The following WDR41 variants were observed in gnomAD, a reference collection of about 807,000 sequenced individuals.
The protein encoded by WDR41 is WD repeat-containing protein 41.
In WDR41, 63 loss-of-function variants were observed where a neutral mutation model predicts 69.3. The ratio of observed to expected loss-of-function variants is 0.91; its 90% CI spans 0.74 to 1.12. WDR41 has a LOEUF of 1.12. WDR41 is among the 50% of genes most tolerant of loss of function. WDR41 has a pLI of 0.00. For missense variants in WDR41, 543 were observed against 534.5 expected (o/e 1.02, Z -0.16); for synonymous variants, 185 against 192.1 (o/e 0.96, Z 0.31).
chr5:77,535,872 T>A (rs1254965619), intron 1 of WDR41, among the ~76,000 whole-genome samples: 1 of 152,228 alleles, frequency 6.6e-6, no homozygotes, highest in East Asian at 1.9e-4. Context: ...ACCTAGCTGG[T>A]GTAAGACAAT....
intron 2 of WDR41, among the ~76,000 whole-genome samples, chr5:77,474,993 G>A (rs1313932949): frequency 6.6e-6 from 1 of 152,236 alleles, no homozygotes; most frequent in Non-Finnish European, 1.5e-5. Flanking sequence ...GCGACGCATT[G>A]CCTCACTCGG....
chr5:77,506,539 A>G (rs1411329823), intron 1 of WDR41, among the ~76,000 whole-genome samples: 3 of 152,222 alleles, frequency 2.0e-5, no homozygotes, highest in Admixed American at 2.0e-4. Context: ...ATTACTGGGT[A>G]TATACCCAAA....
chr5:77,490,849 A>C (rs1423238186), intron 1 of WDR41, among the ~76,000 whole-genome samples: 2 of 152,230 alleles, frequency 1.3e-5, no homozygotes, highest in Non-Finnish European at 2.9e-5. Context: ...GATTAATCTG[A>C]AATAAGAAAT....
At chr5:77,524,405 T>C (rs1802416652) in intron 1 of WDR41, among the ~76,000 whole-genome samples, 1 of 152,026 alleles carries the variant, frequency 6.6e-6, no homozygotes. Context: ...CTGTGCAACA[T>C]AGTGAGACCC....
chr5:77,469,959 T>TC (rs1435863872), intron 2 of WDR41, among the ~76,000 whole-genome samples: 3 of 150,862 alleles, frequency 2.0e-5, no homozygotes, highest in African/African-American at 7.4e-5. Flanking sequence ...GAAGAGCAAC[T>TC]CCAAGACACA....
rs72770940 is a variant in WDR41 at position 77,568,688 on chromosome 5, C to T, written c.42+51791G>A. Among the ~76,000 whole-genome samples the T allele has an allele frequency of 8.8e-3, 1,338 of 152,178 alleles. 9 individuals carry two copies. Among genetic ancestry groups the T allele is most frequent in the South Asian group, 0.024 (116 of 4,818 alleles). ...AAGCATTCTGCACACTCTAAGATGC[C>T]ATGGAAACACAAGAATTATTAACTA... On this transcript the variant is annotated intron_variant, in intron 1 of 5. Coordinates refer to the WDR41 transcript ENST00000509971.
chr5:77,536,329 C>A (rs1165156515), intron 1 of WDR41, among the ~76,000 whole-genome samples: 3 of 151,658 alleles, frequency 2.0e-5, no homozygotes, highest in African/African-American at 7.3e-5. Flanking sequence ...TCTCAAGGAG[C>A]TTAGAGTGCA....
At chr5:77,601,439 G>A (rs1744321952) in intron 1 of WDR41, among the ~76,000 whole-genome samples, 1 of 152,138 alleles carries the variant, frequency 6.6e-6, no homozygotes, top group Non-Finnish European at 1.5e-5. Context: ...ATTAGAAAGA[G>A]TTACAAGGAT....
intron 1 of WDR41, among the ~76,000 whole-genome samples, chr5:77,505,265 C>T (rs1307641047): frequency 1.3e-5 from 2 of 151,812 alleles, no homozygotes; most frequent in African/African-American, 2.4e-5. Flanking sequence ...CATGAGTGAA[C>T]GCCCATTTAC....
At chr5:77,480,649 G>A (rs957250950) in intron 2 of WDR41, among the ~76,000 whole-genome samples, 2 of 146,602 alleles carry the variant, frequency 1.4e-5, no homozygotes, top group African/African-American at 5.0e-5. Flanking sequence ...ACAGGAAGGG[G>A]AACATCACAC....
intron 2 of WDR41, among the ~76,000 whole-genome samples, chr5:77,483,481 CGTGTGTGTGTGTGTGTGTGTGTGTGT>C (rs35574463): frequency 7.0e-6 from 1 of 143,356 alleles, no homozygotes; most frequent in South Asian, 2.3e-4. Flanking sequence ...CCTGAATACT[CGTGTGTGTGTGTGTGTGTGTGTGTGT>C]GTGTGTGTGT....
intron 7 of WDR41, 87 bp from the exon 8 acceptor site, chr5:77,449,957 A>C (rs1001486327): frequency 2.3e-6 from 2 of 886,106 alleles, no homozygotes; most frequent in African/African-American, 3.4e-5. Context: ...CATTTCATTA[A>C]GTGAAAAATA....
At chr5:77,439,816 A>G (rs553336227) in intron 9 of WDR41, among the ~76,000 whole-genome samples, 48 of 152,246 alleles carry the variant, frequency 3.2e-4, no homozygotes, top group Non-Finnish European at 5.3e-4. Flanking sequence ...AATTTTCACA[A>G]AAGTGAGAAA....
chr5:77,532,895 T>C (rs905243679), intron 1 of WDR41, among the ~76,000 whole-genome samples: 2 of 152,092 alleles, frequency 1.3e-5, no homozygotes, highest in African/African-American at 4.8e-5. Context: ...AAACGGGCCT[T>C]TCATGTGGGG....
intron 1 of WDR41, among the ~76,000 whole-genome samples, chr5:77,559,710 T>C (rs1743487672): frequency 6.6e-6 from 1 of 152,014 alleles, no homozygotes; most frequent in Non-Finnish European, 1.5e-5. Flanking sequence ...TGTGTATTCC[T>C]ACATACTCAT....
At chr5:77,469,254 A>AG (rs1486922354) in intron 2 of WDR41, among the ~76,000 whole-genome samples, 2 of 150,494 alleles carry the variant, frequency 1.3e-5, no homozygotes, top group Non-Finnish European at 3.0e-5. Flanking sequence ...GGGTGGGGGT[A>AG]GGGGGGAGGG....
At chr5:77,480,869 C>G (rs954406821) in intron 2 of WDR41, among the ~76,000 whole-genome samples, 1 of 151,536 alleles carries the variant, frequency 6.6e-6, no homozygotes, top group Non-Finnish European at 1.5e-5. Context: ...CCAAAAAAAT[C>G]TGTGTGACTT....
At chr5:77,438,180 T>A in intron 10 of WDR41, 60 bp downstream of exon 10, 1 of 1,603,890 alleles carries the variant, frequency 6.2e-7, no homozygotes, top group Non-Finnish European at 8.5e-7. Context: ...GAAATTACAC[T>A]GGTAGCCCTG....
intron 1 of WDR41, among the ~76,000 whole-genome samples, chr5:77,538,415 C>T (rs947034261): frequency 2.0e-5 from 3 of 152,280 alleles, no homozygotes; most frequent in African/African-American, 7.2e-5. Flanking sequence ...GAGCATAATA[C>T]TAAATGGGTA....
Sources: allele counts gnomAD v4.1 joint callset (sites outside exome capture counted in the v4.1 genomes callset), GRCh38; gene constraint gnomAD v4.1.1; transcripts MANE v1.5; gene names NCBI Gene and HGNC (gene_info 2026-07-23, HGNC 2026-07-21).